Variants in EAF2 observed in about 807,000 individuals in gnomAD.
EAF2 encodes the protein ELL-associated factor 2.
A neutral mutation model predicts 29.4 loss-of-function variants in EAF2; 29 were observed. The ratio of observed to expected loss-of-function variants is 0.99; its 90% CI spans 0.73 to 1.35. The LOEUF is 1.35. Ranked by LOEUF, EAF2 falls within the 40% of genes most tolerant of loss-of-function variation. EAF2 has a pLI of 0.00. For missense variants in EAF2, 292 were observed against 312.0 expected, an observed-to-expected ratio of 0.94 and a Z score of 0.48; for synonymous variants, 103 against 102.5, an observed-to-expected ratio of 1.00 and a Z score of -0.03.
At chr3:121,868,497 C>T (rs1708961607) in intron 4 of EAF2, among the ~76,000 whole-genome samples, 1 of 152,122 alleles carries the variant, frequency 6.6e-6, no homozygotes, top group Admixed American at 6.5e-5. Flanking sequence ...ACTCAGGAAG[C>T]TGAGGCAGGA....
intron 1 of EAF2, among the ~76,000 whole-genome samples, chr3:121,837,075 A>G (rs2107487672): frequency 6.6e-6 from 1 of 152,326 alleles, no homozygotes; most frequent in South Asian, 2.1e-4. Context: ...AAACAACAAT[A>G]ATGACAATAA....
intron 2 of EAF2, among the ~76,000 whole-genome samples, chr3:121,852,832 T>C (rs1708656189): frequency 6.6e-6 from 1 of 152,184 alleles, no homozygotes; most frequent in Non-Finnish European, 1.5e-5. Context: ...AATGTACTTT[T>C]ATAAACTCCA....
chr3:121,870,095 A>G (rs1180939604), intron 4 of EAF2, among the ~76,000 whole-genome samples: 1 of 151,900 alleles, frequency 6.6e-6, no homozygotes. Context: ...AGTCTACCAA[A>G]CATTTAAAGA....
chr3:121,857,304 C>A, intron 4 of EAF2, 148 bp downstream of exon 4: 2 of 572,632 alleles, frequency 3.5e-6, no homozygotes, highest in Non-Finnish European at 5.9e-6. Flanking sequence ...CCAGCCTGGC[C>A]AACATGGTGA....
At chr3:121,886,019 A>G (rs1206719968) in intron 5 of EAF2, among the ~76,000 whole-genome samples, 1 of 152,178 alleles carries the variant, frequency 6.6e-6, no homozygotes, top group Non-Finnish European at 1.5e-5. Context: ...TCAAAGTGAT[A>G]TAGTTTAATC....
chr3:121,882,089 T>C (rs1709199042), intron 5 of EAF2, among the ~76,000 whole-genome samples: 1 of 152,060 alleles, frequency 6.6e-6, no homozygotes, highest in African/African-American at 2.4e-5. Context: ...TAGTTCACAC[T>C]TGTAATCCCA....
intron 2 of EAF2, among the ~76,000 whole-genome samples, 160 bp downstream of exon 2, chr3:121,844,707 T>C (rs1708493825): frequency 6.6e-6 from 1 of 151,230 alleles, no homozygotes; most frequent in Non-Finnish European, 1.5e-5. Flanking sequence ...CAAAAAAAAC[T>C]TAAAATACTT....
chr3:121,877,208 T>C (rs1470746502), intron 5 of EAF2, among the ~76,000 whole-genome samples: 1 of 151,862 alleles, frequency 6.6e-6, no homozygotes, highest in Non-Finnish European at 1.5e-5. Flanking sequence ...ACTATGTATG[T>C]GTGTGTGTGC....
intron 2 of EAF2, among the ~76,000 whole-genome samples, 176 bp from the exon 3 acceptor site, chr3:121,854,510 CT>C (rs1224118050): frequency 1.3e-5 from 2 of 152,002 alleles, no homozygotes; most frequent in African/African-American, 4.8e-5. Context: ...AGATTTCAGC[CT>C]ATCTTCATCT....
chr3:121,850,758 G>A (rs1368062020), intron 2 of EAF2, among the ~76,000 whole-genome samples: 4 of 151,478 alleles, frequency 2.6e-5, no homozygotes, highest in Non-Finnish European at 5.9e-5. Context: ...GTGCAGTGGC[G>A]CAATCTTGGC....
At chr3:121,877,909 G>T (rs1431140705) in intron 5 of EAF2, among the ~76,000 whole-genome samples, 1 of 152,028 alleles carries the variant, frequency 6.6e-6, no homozygotes, top group East Asian at 1.9e-4. Flanking sequence ...AGCTTCCCCA[G>T]TACCTAGTAC....
In EAF2 at chr3:121,872,707, A is replaced by G; in HGVS notation, c.655A>G (p.Met219Val). ...GAATTGTGTCTCAGGACATCCTACC[A>G]TGACACAGTACAGGATTCCTGATAT... is the stretch of plus-strand genomic sequence containing the variant. ...TGNCVSGHPTMTQYRIPDIDA... is the reference protein window; with the variant it reads ...TGNCVSGHPTVTQYRIPDIDA... Residue 219 changes from methionine (M) to valine (V), a missense_variant, in exon 5 of 6, where the codon ATG becomes GTG. Physicochemically the swap from Met to Val is conservative, Grantham distance 21. Transcript: ENST00000273668. 6.2e-7 allele frequency: 1 copy of G among 1,612,908 alleles called. No individual in the cohort carries two copies. Among genetic ancestry groups the G allele is most frequent in the Admixed American group, 1.7e-5 (1 of 59,940 alleles).
intron 4 of EAF2, 58 bp downstream of exon 4, chr3:121,857,214 C>A: frequency 6.8e-7 from 1 of 1,480,574 alleles, no homozygotes; most frequent in Non-Finnish European, 9.2e-7. Context: ...AATGTTAAGG[C>A]CAGGCATGGT....
chr3:121,861,864 T>C (rs1435824975), intron 4 of EAF2, among the ~76,000 whole-genome samples: 2 of 152,304 alleles, frequency 1.3e-5, no homozygotes, highest in African/African-American at 4.8e-5. Context: ...AAGGCAGGCC[T>C]GGTGGTGACA....
intron 4 of EAF2, among the ~76,000 whole-genome samples, chr3:121,868,769 T>G (rs1022694847): frequency 2.0e-5 from 3 of 152,208 alleles, no homozygotes; most frequent in Non-Finnish European, 4.4e-5. Flanking sequence ...TCCACAATTA[T>G]GCCTGGGTAT....
At chr3:121,881,372 G>A (rs1709188305) in intron 5 of EAF2, among the ~76,000 whole-genome samples, 1 of 151,848 alleles carries the variant, frequency 6.6e-6, no homozygotes, top group Non-Finnish European at 1.5e-5. Context: ...TTTTATTACT[G>A]ATTCAGTCTT....
At chr3:121,881,381 T>G (rs1559831693) in intron 5 of EAF2, among the ~76,000 whole-genome samples, 1 of 152,180 alleles carries the variant, frequency 6.6e-6, no homozygotes, top group African/African-American at 2.4e-5. Flanking sequence ...TGATTCAGTC[T>G]TATTACTTGT....
At chr3:121,886,078 TA>T (rs892535210) in intron 5 of EAF2, among the ~76,000 whole-genome samples, 4 of 151,750 alleles carry the variant, frequency 2.6e-5, no homozygotes, top group Admixed American at 6.6e-5. Flanking sequence ...ATCAGTGATA[TA>T]AAAAAAAGAG....
chr3:121,872,478 A>G (rs558196976), intron 4 of EAF2, 59 bp from the exon 5 acceptor site: 2 of 1,287,542 alleles, frequency 1.6e-6, no homozygotes, highest in Admixed American at 2.4e-5. Flanking sequence ...TTCAATTTTT[A>G]TTATATTTAT....
Sources: gnomAD v4.1 joint callset for allele counts (sites outside exome capture counted in the v4.1 genomes callset) on GRCh38, gnomAD v4.1.1 for gene constraint, MANE v1.5 for transcripts, NCBI Gene and HGNC (gene_info 2026-07-23, HGNC 2026-07-21) for gene names.